Variants in BICC1 observed in about 807,000 individuals in gnomAD.
BICC1 encodes BicC family RNA binding protein 1, also known as protein bicaudal C homolog 1.
Under a neutral mutation model 111.0 loss-of-function variants are expected in BICC1, and 43 were observed. The ratio of observed to expected loss-of-function variants is 0.39; its 90% confidence interval spans 0.30 to 0.50. The LOEUF (loss-of-function observed/expected upper bound fraction) is 0.50, where lower values mean the gene tolerates loss of function less well. BICC1 is among the 20% of genes least tolerant of loss of function. The probability of loss-of-function intolerance (pLI) is 0.88; values close to 1 mark genes in which losing one functional copy is unlikely to be tolerated. For missense variants in BICC1, 1,091 were observed against 1,203.2 expected (o/e 0.91, Z 1.38); for synonymous variants, 467 against 434.4 (o/e 1.07, Z -0.93).
intron 1 of BICC1, among the ~76,000 whole-genome samples, chr10:58,543,218 A>C (rs1459274803): frequency 6.6e-6 from 1 of 152,174 alleles, no homozygotes; most frequent in East Asian, 1.9e-4. Context: ...ATGCTACAAC[A>C]TAGATAAACC....
rs542523899 is a variant in BICC1, at chr10:58,588,953, A to G, written c.191-31902A>G. Among the ~76,000 whole-genome samples the G allele has an allele frequency of 3.9e-5, 6 of 152,226 alleles. No homozygotes were observed. In the South Asian group the frequency reaches 1.2e-3, roughly 32 times the overall value. On this transcript the variant is annotated intron_variant, in intron 1 of 20. Transcript: ENST00000373886. Reference sequence around the variant, plus strand: ...CTTTGCCCTGATCTCAGGGTTGTCCAGAGAGTCTGAGTTTTTAGTGCTAAA... The same window carrying G: ...CTTTGCCCTGATCTCAGGGTTGTCCGGAGAGTCTGAGTTTTTAGTGCTAAA...
intron 3 of BICC1, among the ~76,000 whole-genome samples, chr10:58,754,374 A>G (rs944333789): frequency 6.6e-6 from 1 of 152,220 alleles, no homozygotes; most frequent in Admixed American, 6.5e-5. Flanking sequence ...AGACTGAACG[A>G]ATGTAGCAAA....
At chr10:58,695,278 G>T (rs1320134399) in intron 2 of BICC1, among the ~76,000 whole-genome samples, 1 of 152,134 alleles carries the variant, frequency 6.6e-6, no homozygotes, top group Non-Finnish European at 1.5e-5. Context: ...TCTCCGCTTA[G>T]TTGGCTCTTT....
chr10:58,817,461 G>T, intron 18 of BICC1, 101 bp from the exon 19 acceptor site: 1 of 1,319,110 alleles, frequency 7.6e-7, no homozygotes, highest in Admixed American at 1.7e-5. Context: ...CTATTCAGCT[G>T]AACAATGGAA....
At chr10:58,759,919 A>G (rs1842260406) in intron 3 of BICC1, among the ~76,000 whole-genome samples, 1 of 150,998 alleles carries the variant, frequency 6.6e-6, no homozygotes, top group South Asian at 2.1e-4. Context: ...AGATCGCGCT[A>G]CCACACTCCA....
chr10:58,539,610 T>C (rs1273530190), intron 1 of BICC1, among the ~76,000 whole-genome samples: 1 of 151,830 alleles, frequency 6.6e-6, no homozygotes, highest in Non-Finnish European at 1.5e-5. Context: ...CAATGATAAA[T>C]GTACATGTAC....
In BICC1 at chr10:58,828,844, C is replaced by T. The variant is rs768708806; in HGVS notation, c.2878C>T (p.Pro960Ser). The change falls in exon 21 of 21, where the codon CCC becomes TCC. Residue 960 changes from proline to serine, a missense_variant. Coordinates refer to ENST00000373886, the MANE Select transcript of BICC1 (RefSeq NM_001080512.3). ...GGAAGGTGGAGCGAGTGGAAGGCTA[C>T]CCCGTCAGTATCACTCAGACATTGC... is the stretch of plus-strand genomic sequence containing the variant. ...FLEGGASGRL[P>S]RQYHSDIASV... The T allele has an allele frequency of 2.5e-6, 4 of 1,613,984 alleles. No individual in the cohort carries two copies. The highest frequency in any genetic ancestry group is 8.5e-7 in the Non-Finnish European group (1 of 1,179,892).
intron 1 of BICC1, among the ~76,000 whole-genome samples, chr10:58,562,981 TATAGGG>T (rs571166492): frequency 2.3e-3 from 350 of 152,228 alleles, no homozygotes; most frequent in African/African-American, 8.0e-3. Context: ...CTTGGGAGCG[TATAGGG>T]GCTCCCTTGG....
chr10:58,516,756 T>G (rs1359112737), intron 1 of BICC1, among the ~76,000 whole-genome samples: 2 of 152,186 alleles, frequency 1.3e-5, no homozygotes, highest in Non-Finnish European at 2.9e-5. Context: ...ATGCATCATG[T>G]GAAATAATAG....
At position 58,800,923 on chromosome 10, in the gene BICC1, C is replaced by A; in HGVS notation, c.1892C>A (p.Pro631His). 1 of 1,608,676 alleles carries A rather than the reference C, an allele frequency of 6.2e-7. No individual in the cohort carries two copies. Among genetic ancestry groups the A allele is most frequent in the Non-Finnish European group, 8.5e-7 (1 of 1,177,606 alleles). Reference sequence around the variant, plus strand: ...GATGCTTTTGTTGAAGTAGGCATGCCTCGAAGTCCTTCCCATTCTGGGAAT... The same window carrying A: ...GATGCTTTTGTTGAAGTAGGCATGCATCGAAGTCCTTCCCATTCTGGGAAT... ...CNDAFVEVGMPRSPSHSGNAG... is the reference protein window; with the variant it reads ...CNDAFVEVGMHRSPSHSGNAG... Residue 631 changes from proline to histidine, a missense_variant, in exon 14 of 21, where the codon CCT becomes CAT. This residue lies in a region of BICC1 where 843 missense variants were observed against 900.8 expected (regional missense o/e 0.94). Transcript: ENST00000373886.
intron 1 of BICC1, among the ~76,000 whole-genome samples, chr10:58,607,341 T>TAAATAAATAAATAAATAAAGAAAGAAAG (rs879657768): frequency 6.6e-6 from 1 of 151,710 alleles, no homozygotes; most frequent in South Asian, 2.1e-4. Flanking sequence ...AATAAATAAA[T>TAAATAAATAAATAAATAAAGAAAGAAAG]AAAACTGTCA....
At chr10:58,750,255 A>G (rs184202886) in intron 3 of BICC1, among the ~76,000 whole-genome samples, 5 of 152,296 alleles carry the variant, frequency 3.3e-5, no homozygotes, top group Non-Finnish European at 5.9e-5. Context: ...GTGTGGACCC[A>G]TGATGGCCAG....
intron 2 of BICC1, among the ~76,000 whole-genome samples, chr10:58,634,713 G>A (rs1837903038): frequency 1.3e-5 from 2 of 152,086 alleles, no homozygotes; most frequent in Non-Finnish European, 2.9e-5. Flanking sequence ...TCAAAAATTT[G>A]TGTATAATTT....
intron 2 of BICC1, among the ~76,000 whole-genome samples, chr10:58,659,631 T>G (rs1285338889): frequency 6.6e-6 from 1 of 152,074 alleles, no homozygotes; most frequent in Non-Finnish European, 1.5e-5. Context: ...ACCTGGGTGG[T>G]GAACTTACTG....
intron 1 of BICC1, among the ~76,000 whole-genome samples, chr10:58,586,059 CT>C (rs1844418145): frequency 6.6e-6 from 1 of 152,172 alleles, no homozygotes; most frequent in Non-Finnish European, 1.5e-5. Context: ...ATTTTCTACA[CT>C]GGAAAGTGAT....
chr10:58,803,668 G>A (rs1025256762), intron 15 of BICC1, among the ~76,000 whole-genome samples: 4 of 152,142 alleles, frequency 2.6e-5, no homozygotes, highest in East Asian at 1.9e-4. Flanking sequence ...TGAGAATAAC[G>A]AATGTGGAGT....
chr10:58,601,173 T>A (rs12248065), intron 1 of BICC1, among the ~76,000 whole-genome samples: 15,407 of 130,958 alleles, frequency 0.12, 1,201 homozygotes, highest in East Asian at 0.32. Context: ...TATATATATC[T>A]CCCAATAAAA....
At chr10:58,810,571 A>C (rs918490330) in intron 17 of BICC1, among the ~76,000 whole-genome samples, 1 of 152,038 alleles carries the variant, frequency 6.6e-6, no homozygotes, top group Non-Finnish European at 1.5e-5. Context: ...GGCCCCTCAC[A>C]TAGCATGGTC....
intron 3 of BICC1, among the ~76,000 whole-genome samples, chr10:58,720,100 G>A (rs2132519505): frequency 6.6e-6 from 1 of 152,316 alleles, no homozygotes; most frequent in East Asian, 1.9e-4. Context: ...AATTTGCCAA[G>A]ATAATCAGTG....
Sources: gnomAD v4.1 joint callset for allele counts (sites outside exome capture counted in the v4.1 genomes callset) on GRCh38, gnomAD v4.1.1 for gene constraint, gnomAD v4.1.1 regional missense constraint, MANE v1.5 for transcripts, NCBI Gene and HGNC (gene_info 2026-07-23, HGNC 2026-07-21) for gene names.